Variants in LTBP4 observed in about 807,000 individuals in gnomAD.
LTBP4 encodes latent transforming growth factor beta binding protein 4.
In LTBP4, 93 loss-of-function variants were observed where a neutral mutation model predicts 180.2. The ratio of observed to expected loss-of-function variants is 0.52; its 90% CI spans 0.44 to 0.61. The LOEUF is 0.61. Ranked by LOEUF, LTBP4 falls within the 20% of genes least tolerant of loss-of-function variation. The pLI is 0.00. For synonymous variants in LTBP4, 947 were observed against 934.5 expected (o/e 1.01, Z -0.24); for missense variants, 2,116 against 2,256.5 (o/e 0.94, Z 1.26).
chr19:40,603,550 G>A (rs3786527), intron 1 of LTBP4, among the ~76,000 whole-genome samples: 28,573 of 152,122 alleles, frequency 0.19, 2,834 homozygotes, highest in East Asian at 0.28. Flanking sequence ...TTTCCTCTGA[G>A]CTAGGTTCCT....
rs981413561 is a variant in LTBP4, at chr19:40,629,348, C to T, written c.4520-48C>T. The T allele has an allele frequency of 6.2e-7, 1 of 1,609,954 alleles. No homozygotes were observed. The highest frequency in any genetic ancestry group is 1.3e-5 in the African/African-American group (1 of 74,842). On this transcript the variant is annotated intron_variant, in intron 29 of 29. Coordinates refer to ENST00000396819, the MANE Select transcript of LTBP4 (RefSeq NM_001042545.2). The surrounding 1 kb of genome is among the most constrained non-coding windows in gnomAD (Gnocchi z 4.5). Reference sequence around the variant, plus strand: ...GAACTTAAGGGGCCAAGGAGGCGAGCTTCTGGGGCCCCAGCCTTCAGCAGC... The same window carrying T: ...GAACTTAAGGGGCCAAGGAGGCGAGTTTCTGGGGCCCCAGCCTTCAGCAGC...
rs766358827 is a variant in LTBP4 at position 40,608,522 on chromosome 19, C to A, written c.1345C>A (p.Pro449Thr). Residue 449 changes from proline (P) to threonine (T), a missense_variant, in exon 9 of 30, where the codon CCC becomes ACC. Coordinates refer to ENST00000396819, the MANE Select transcript of LTBP4 (RefSeq NM_001042545.2). ...CCATCGCCTGGAGCCCCGGCCTGAACCCCGGCCCGATCCCCGGCCCGGCCC... is the reference window on the plus strand; with the variant it reads ...CCATCGCCTGGAGCCCCGGCCTGAAACCCGGCCCGATCCCCGGCCCGGCCC... The part of the protein sequence containing the change: ...PTHRLEPRPE[P>T]RPDPRPGPEL... The A allele has an allele frequency of 6.2e-7, 1 of 1,605,768 alleles. No homozygotes were observed. Among genetic ancestry groups the A allele is most frequent in the South Asian group, 1.1e-5 (1 of 88,326 alleles).
chr19:40,619,580 C>G lies in LTBP4; in HGVS notation c.3217+87C>G, dbSNP rs1044124737. ...AATCATTCCTGATGTGGACAGCTAC[C>G]ATCAGCTAAATACTGTTGTTTTAAA... On this transcript the variant is annotated intron_variant, in intron 22 of 29. Coordinates refer to ENST00000396819, the MANE Select transcript of LTBP4 (RefSeq NM_001042545.2). 3.6e-6 allele frequency: 5 copies of G among 1,402,520 alleles called. No individual in the cohort carries two copies. The African/African-American group carries it at 7.2e-5, about 20-fold the overall frequency. 86.9% of individuals were successfully genotyped at this position (1,402,520 alleles called of 1,614,324 possible).
At chr19:40,624,611 C>A (rs1487970606) in intron 26 of LTBP4, among the ~76,000 whole-genome samples, 26 of 152,152 alleles carry the variant, frequency 1.7e-4, no homozygotes, top group Admixed American at 1.7e-3. Flanking sequence ...GTTGGTCAGG[C>A]TGGTCTCGAA....
rs747283204 is a variant in LTBP4 at position 40,629,507 on chromosome 19, C to T, written c.4631C>T (p.Thr1544Met). ...RCICRPGFAP[T>M]HQPHHCAPAR... ...ATCTGCCGCCCGGGATTCGCACCCACGCACCAGCCGCACCACTGTGCGCCC... is the reference window on the plus strand; with the variant it reads ...ATCTGCCGCCCGGGATTCGCACCCATGCACCAGCCGCACCACTGTGCGCCC... Residue 1544 changes from threonine to methionine, a missense_variant, in exon 30 of 30, where the codon ACG (threonine) becomes ATG (methionine). Around this residue, in one of 5 missense-constraint regions of LTBP4, gnomAD observed 488 missense variants for 458.8 expected, o/e 1.06. Transcript: ENST00000396819. This position sits in a 1 kb window ranked among gnomAD's most constrained non-coding sequence, Gnocchi z 4.5. The T allele has an allele frequency of 2.0e-5, 32 of 1,595,390 alleles. No individual in the cohort carries two copies. Among genetic ancestry groups the T allele is most frequent in the South Asian group, 1.6e-4 (14 of 90,254 alleles).
chr19:40,597,229 G>C (rs942194206), upstream of LTBP4: 7 of 1,482,066 alleles, frequency 4.7e-6, no homozygotes, highest in Non-Finnish European at 6.2e-6. Flanking sequence ...CTCGGCGCCC[G>C]ACACGATGCC....
At chr19:40,612,027 G>A (rs772527394) in intron 14 of LTBP4, 43 bp downstream of exon 14, 26 of 1,612,224 alleles carry the variant, frequency 1.6e-5, no homozygotes, top group Non-Finnish European at 2.1e-5. Context: ...GGGTGAGGGG[G>A]GAGTTGGACC....
chr19:40,615,132 G>A (rs928084126), intron 19 of LTBP4, among the ~76,000 whole-genome samples: 1 of 147,216 alleles, frequency 6.8e-6, no homozygotes, highest in East Asian at 2.0e-4. Context: ...CCCGGGTCAG[G>A]CTCCAGCGAG....
chr19:40,600,033 C>T (rs2081412581), upstream of LTBP4: 2 of 1,150,748 alleles, frequency 1.7e-6, no homozygotes, highest in African/African-American at 1.6e-5. The surrounding 1 kb of genome is among the most constrained non-coding windows in gnomAD (Gnocchi z 4.4). Context: ...CAGTTTAACC[C>T]GGTGACAGCA....
Position 40,614,435 on chromosome 19 carries a change from G to A in LTBP4, c.2801G>A (p.Gly934Asp). 1 of 1,598,954 alleles carries A rather than the reference G, an allele frequency of 6.3e-7. No homozygotes were observed. Among genetic ancestry groups the A allele is most frequent in the Non-Finnish European group, 8.5e-7 (1 of 1,179,604 alleles). ...CDPGYHAGPE[G>D]TCDDVDECQE... ...CCTGGGTACCACGCGGGCCCCGAGGGCACCTGTGACGGTGAGCCTGCCCCC... is the reference window on the plus strand; with the variant it reads ...CCTGGGTACCACGCGGGCCCCGAGGACACCTGTGACGGTGAGCCTGCCCCC... Residue 934 changes from glycine to aspartate, a missense_variant, in exon 19 of 30, where the codon GGC (glycine) becomes GAC (aspartate). Gly to Asp is a moderately conservative substitution (Grantham distance 94). Around this residue, in one of 5 missense-constraint regions of LTBP4, gnomAD observed 877 missense variants for 873.6 expected, o/e 1.00. Transcript: ENST00000396819.
chr19:40,609,975 G>A lies in LTBP4; in HGVS notation c.1684+104G>A. The A allele has an allele frequency of 7.2e-7, 1 of 1,398,098 alleles. No homozygotes were observed. Among genetic ancestry groups the A allele is most frequent in the Admixed American group, 2.7e-5 (1 of 36,600 alleles). The allele number at this position is 1,398,098 out of a possible 1,614,324, so 86.6% of individuals were successfully genotyped here. ...TCCCACGCTTCCCCTCTCGGGTCCC[G>A]CCCCAGGACTGCTCTGCCCTGGCCC... On this transcript the variant is annotated intron_variant, in intron 11 of 29. Coordinates refer to ENST00000396819, the MANE Select transcript of LTBP4 (RefSeq NM_001042545.2). The surrounding 1 kb of genome is among the most constrained non-coding windows in gnomAD (Gnocchi z 4.9).
Position 40,601,537 on chromosome 19 carries a change from C to T in LTBP4, c.150C>T (p.Thr50=), listed in dbSNP as rs1287168874. Residue 50 remains threonine, a synonymous_variant, in exon 1 of 30, where the codon ACC becomes ACT. Coordinates refer to ENST00000396819, the MANE Select transcript of LTBP4 (RefSeq NM_001042545.2). ...VCGLRCVHGP[T]GSRCTPTCAP... ...GCCTGCGCTGCGTCCATGGGCCGAC[C>T]GGCTCCCGCTGTACCCCGACCTGCG... is the stretch of plus-strand genomic sequence containing the variant. 30 of 1,491,738 alleles carry T rather than the reference C, an allele frequency of 2.0e-5. No individual in the cohort carries two copies. In the East Asian group the frequency reaches 8.2e-4, roughly 41 times the overall value. The allele number at this position is 1,491,738 out of a possible 1,614,324, so 92.4% of individuals were successfully genotyped here. A position where few individuals can be genotyped will look rare whatever the true frequency, so the allele number is the denominator to read the frequency against.
At chr19:40,597,780 C>T (rs1165517631), upstream of LTBP4, among the ~76,000 whole-genome samples, 1 of 151,900 alleles carries the variant, frequency 6.6e-6, no homozygotes, top group Non-Finnish European at 1.5e-5. Flanking sequence ...TCTGGAGGGA[C>T]TTTATGAGGC....
upstream of LTBP4, chr19:40,599,686 C>A: frequency 2.4e-6 from 2 of 847,686 alleles, no homozygotes; most frequent in East Asian, 5.0e-5. Flanking sequence ...CTTTTGCTAT[C>A]AGCCTGTCTG....
upstream of LTBP4, chr19:40,597,354 C>T: frequency 6.6e-7 from 1 of 1,521,316 alleles, no homozygotes; most frequent in Non-Finnish European, 8.8e-7. Flanking sequence ...TCGTCGAGGT[C>T]CCGGGGGTCC....
upstream of LTBP4, chr19:40,599,274 A>G (rs552189169): frequency 6.2e-7 from 1 of 1,613,830 alleles, no homozygotes; most frequent in African/African-American, 1.3e-5. Flanking sequence ...TGGAAGATGG[A>G]GTATGAGTAG....
At chr19:40,596,707 G>T (rs2081392330), upstream of LTBP4, among the ~76,000 whole-genome samples, 1 of 152,120 alleles carries the variant, frequency 6.6e-6, no homozygotes, top group Non-Finnish European at 1.5e-5. Context: ...GCTGGTGCAG[G>T]GTTGGTGCTC....
intron 19 of LTBP4, among the ~76,000 whole-genome samples, chr19:40,616,191 G>A (rs1477833252): frequency 6.6e-6 from 1 of 151,814 alleles, no homozygotes; most frequent in Non-Finnish European, 1.5e-5. Context: ...CTACTCAGGA[G>A]GCTAAGGTGG....
At position 40,611,838 on chromosome 19, in the gene LTBP4, C is replaced by T; in HGVS notation, c.2054-21C>T. ...TGGATTCAGGCCCCTTCCTCAGCCT[C>T]ATTGGTCCCCTCTGCCCCAGATGTG... On this transcript the variant is annotated intron_variant, in intron 13 of 29. Coordinates refer to ENST00000396819, the MANE Select transcript of LTBP4 (RefSeq NM_001042545.2). The surrounding 1 kb of genome is among the most constrained non-coding windows in gnomAD (Gnocchi z 4.4). 1 of 1,600,882 alleles carries T rather than the reference C, an allele frequency of 6.2e-7. No homozygotes were observed. The highest frequency in any genetic ancestry group is 8.5e-7 in the Non-Finnish European group (1 of 1,172,782).
Sources: gnomAD v4.1 joint callset for allele counts (sites outside exome capture counted in the v4.1 genomes callset) on GRCh38, gnomAD v4.1.1 for gene constraint, gnomAD v4.1.1 regional missense constraint, Gnocchi (gnomAD v3.1) non-coding constraint, MANE v1.5 for transcripts, NCBI Gene and HGNC (gene_info 2026-07-23, HGNC 2026-07-21) for gene names.